Variants in ADGRV1 observed in about 807,000 individuals in gnomAD.
The protein encoded by ADGRV1 is adhesion G protein-coupled receptor V1.
Under a neutral mutation model 596.2 loss-of-function variants are expected in ADGRV1, and 359 were observed. That is an observed-to-expected ratio of 0.60 (90% CI 0.55 to 0.66). The LOEUF (loss-of-function observed/expected upper bound fraction) is 0.66, where lower values mean the gene tolerates loss of function less well. Ranked by LOEUF, ADGRV1 falls within the 30% of genes least tolerant of loss-of-function variation. ADGRV1 has a pLI of 0.00. For missense variants in ADGRV1, 7,274 were observed against 7,575.6 expected (o/e 0.96, Z 1.48); for synonymous variants, 2,681 against 2,679.2 (o/e 1.00, Z -0.02).
At chr5:90,737,079 C>T (rs773235709) in intron 50 of ADGRV1, among the ~76,000 whole-genome samples, 2 of 151,642 alleles carry the variant, frequency 1.3e-5, no homozygotes, top group Non-Finnish European at 3.0e-5. Context: ...TTTTTCAATA[C>T]AGGCGTTTAT....
chr5:91,034,888 C>T (rs1363455342), intron 85 of ADGRV1, among the ~76,000 whole-genome samples: 1 of 152,092 alleles, frequency 6.6e-6, no homozygotes, highest in Non-Finnish European at 1.5e-5. Context: ...CAGGTGCAAG[C>T]GGTCCTCCCC....
intron 21 of ADGRV1, among the ~76,000 whole-genome samples, chr5:90,671,601 C>G (rs1249889563): frequency 6.6e-6 from 1 of 152,190 alleles, no homozygotes; most frequent in Non-Finnish European, 1.5e-5. Flanking sequence ...TCTGTCCTCT[C>G]CAAAATGTCA....
chr5:90,657,492 AT>A (rs1275453872), intron 20 of ADGRV1, among the ~76,000 whole-genome samples: 2 of 152,100 alleles, frequency 1.3e-5, no homozygotes, highest in Admixed American at 1.3e-4. Context: ...GAATAAGTCC[AT>A]TTTTAAATGT....
chr5:91,104,229 TC>T (rs1791649005), intron 87 of ADGRV1, among the ~76,000 whole-genome samples: 1 of 152,242 alleles, frequency 6.6e-6, no homozygotes, highest in Admixed American at 6.5e-5. Context: ...CTGTAGATGT[TC>T]TGGCAGTGTG....
intron 75 of ADGRV1, among the ~76,000 whole-genome samples, chr5:90,818,210 CTGTT>C (rs1283953276): frequency 2.6e-5 from 4 of 151,406 alleles, no homozygotes; most frequent in Admixed American, 1.3e-4. Flanking sequence ...ATTTGGCTCT[CTGTT>C]TGTCTGTTGT....
chr5:90,840,701 G>A lies in ADGRV1; in HGVS notation c.16735G>A (p.Val5579Ile). The stretch of plus-strand genomic sequence containing the variant: ...TGGCCAGAGAAGCACTGTATTGGAT[G>A]TCATCCTAACGCCAGAGACAGGATC... ...EPGQRSTVLDVILTPETGSLN... is the reference protein window; with the variant it reads ...EPGQRSTVLDIILTPETGSLN... The change falls in exon 78 of 90, where the codon GTC becomes ATC. Residue 5579 changes from valine (V) to isoleucine (I), a missense_variant. Coordinates refer to ENST00000405460, the MANE Select transcript of ADGRV1 (RefSeq NM_032119.4). The A allele has an allele frequency of 1.9e-6, 3 of 1,614,018 alleles. No individual in the cohort carries two copies. The highest frequency in any genetic ancestry group is 2.5e-6 in the Non-Finnish European group (3 of 1,179,898).
Position 90,823,542 on chromosome 5 carries a change from C to T in ADGRV1, c.16314C>T (p.Thr5438=). 6.2e-7 allele frequency: 1 copy of T among 1,613,936 alleles called. No individual in the cohort carries two copies. The highest frequency in any genetic ancestry group is 1.1e-5 in the South Asian group (1 of 91,078). The change falls in exon 76 of 90, where the codon ACC becomes ACT. Residue 5438 remains threonine (T), a synonymous_variant. Coordinates refer to ENST00000405460, the MANE Select transcript of ADGRV1 (RefSeq NM_032119.4). ...TTCAGTCTGTGTCAGGGACCACAAC[C>T]TGTACAATGGGTCAAACAAAATGCT... ...EELQSVSGTT[T]CTMGQTKCFI...
At position 90,671,039 on chromosome 5, in the gene ADGRV1, C is replaced by T. The variant is rs116324349; in HGVS notation, c.4753-1507C>T. On this transcript the variant is annotated intron_variant, in intron 21 of 89. Transcript: ENST00000405460. The stretch of plus-strand genomic sequence containing the variant: ...ACTGGCCTCACCATATACCATGTCA[C>T]CTCAAGTAGCTGGCCTCATACAATT... Among the ~76,000 whole-genome samples, 1,334 of 152,218 alleles carry T rather than the reference C, an allele frequency of 8.8e-3. 19 individuals carry two copies. Among genetic ancestry groups the T allele is most frequent in the African/African-American group, 0.031 (1,290 of 41,534 alleles).
chr5:91,123,223 G>A (rs576324696), intron 87 of ADGRV1, among the ~76,000 whole-genome samples: 13 of 152,222 alleles, frequency 8.5e-5, no homozygotes, highest in South Asian at 6.2e-4. Flanking sequence ...GTGGCTATAC[G>A]TAATAAATAC....
chr5:90,897,467 G>A (rs1367232806), intron 83 of ADGRV1, among the ~76,000 whole-genome samples: 7 of 152,106 alleles, frequency 4.6e-5, no homozygotes, highest in Admixed American at 4.6e-4. Flanking sequence ...CACATATATT[G>A]TAGAATTAAA....
At chr5:90,648,923 A>G (rs1768195625) in intron 17 of ADGRV1, among the ~76,000 whole-genome samples, 1 of 152,254 alleles carries the variant, frequency 6.6e-6, no homozygotes. Context: ...AGGAGTTGCT[A>G]CAGATAAAAA....
intron 22 of ADGRV1, 50 bp from the exon 23 acceptor site, chr5:90,674,004 A>G: frequency 7.4e-7 from 1 of 1,356,894 alleles, no homozygotes; most frequent in South Asian, 1.3e-5. Context: ...TCTAGTAAGT[A>G]ATTTCTAAAT....
intron 85 of ADGRV1, among the ~76,000 whole-genome samples, chr5:91,049,499 G>T (rs1786125293): frequency 6.6e-6 from 1 of 152,130 alleles, no homozygotes. Context: ...AGCCCATTTG[G>T]AATAAATGAT....
At position 90,647,672 on chromosome 5, in the gene ADGRV1, G is replaced by A; in HGVS notation, c.3197G>A (p.Gly1066Glu). Reference protein sequence around the residue: ...EKGETLIFEVGSRQQSISIFV... With the variant: ...EKGETLIFEVESRQQSISIFV... Reference sequence around the variant, plus strand: ...GGAGAAACGCTCATTTTTGAGGTTGGAAGTAGACAGCAGAGCATATCCATA... The same window carrying A: ...GGAGAAACGCTCATTTTTGAGGTTGAAAGTAGACAGCAGAGCATATCCATA... Residue 1066 changes from glycine (G) to glutamate (E), a missense_variant, in exon 17 of 90, where the codon GGA becomes GAA. Coordinates refer to ENST00000405460, the MANE Select transcript of ADGRV1 (RefSeq NM_032119.4). 6.2e-7 allele frequency: 1 copy of A among 1,613,944 alleles called. No individual in the cohort carries two copies. The highest frequency in any genetic ancestry group is 2.2e-5 in the East Asian group (1 of 44,878).
At chr5:91,117,807 T>C (rs1489244341) in intron 87 of ADGRV1, among the ~76,000 whole-genome samples, 2 of 152,170 alleles carry the variant, frequency 1.3e-5, no homozygotes, top group Admixed American at 6.6e-5. Context: ...CTGGGTATCA[T>C]TGGGAAAGTT....
intron 85 of ADGRV1, among the ~76,000 whole-genome samples, chr5:91,028,743 T>G (rs932880096): frequency 3.4e-5 from 5 of 146,942 alleles, no homozygotes; most frequent in Non-Finnish European, 6.1e-5. Flanking sequence ...TTTTTTTTTT[T>G]TTTTTTTTTT....
At chr5:91,143,876 G>A (rs1795313896) in intron 87 of ADGRV1, among the ~76,000 whole-genome samples, 1 of 152,208 alleles carries the variant, frequency 6.6e-6, no homozygotes, top group African/African-American at 2.4e-5. Context: ...GCCCCCCTCA[G>A]CCTCCCTCCC....
At chr5:91,158,803 C>T (rs1470089816) in intron 89 of ADGRV1, among the ~76,000 whole-genome samples, 1 of 151,900 alleles carries the variant, frequency 6.6e-6, no homozygotes, top group Non-Finnish European at 1.5e-5. Flanking sequence ...TGTAGCAGTG[C>T]TGAGTATCTC....
rs1321466243 is a variant in ADGRV1 at position 90,821,577 on chromosome 5, T to C, written c.16197-1848T>C. Among the ~76,000 whole-genome samples the C allele has an allele frequency of 3.3e-5, 5 of 151,308 alleles. No individual in the cohort carries two copies. In the East Asian group the frequency reaches 9.7e-4, roughly 29 times the overall value. On this transcript the variant is annotated intron_variant, in intron 75 of 89. Coordinates refer to ENST00000405460, the MANE Select transcript of ADGRV1 (RefSeq NM_032119.4). Reference sequence around the variant, plus strand: ...TACTTTTGGTCTTTGATGATGATGATGTACAGATGGGTTTTTGGTGTGGAT... The same window carrying C: ...TACTTTTGGTCTTTGATGATGATGACGTACAGATGGGTTTTTGGTGTGGAT...
Sources: gnomAD v4.1 joint callset for allele counts (sites outside exome capture counted in the v4.1 genomes callset) on GRCh38, gnomAD v4.1.1 for gene constraint, MANE v1.5 for transcripts, NCBI Gene and HGNC (gene_info 2026-07-23, HGNC 2026-07-21) for gene names.